The following TMC1 variants were observed in gnomAD, a reference collection of about 807,000 sequenced individuals.
TMC1 encodes transmembrane channel like 1.
In TMC1, 84 loss-of-function variants were observed where a neutral mutation model predicts 105.8. That is an observed-to-expected ratio of 0.79 (90% CI 0.67 to 0.95). The LOEUF (loss-of-function observed/expected upper bound fraction) is 0.95. TMC1 is among the 40% of genes least tolerant of loss of function. The pLI, the probability that TMC1 is intolerant of heterozygous loss-of-function variation, is 0.00. For synonymous variants in TMC1, 315 were observed against 311.5 expected (o/e 1.01, Z -0.12); for missense variants, 817 against 914.1 (o/e 0.89, Z 1.37).
intron 7 of TMC1, among the ~76,000 whole-genome samples, chr9:72,695,376 TC>T (rs1826531996): frequency 6.6e-6 from 1 of 152,178 alleles, no homozygotes; most frequent in African/African-American, 2.4e-5. Context: ...TTAGGAAAAA[TC>T]CAAGAAAATA....
intron 9 of TMC1, 111 bp downstream of exon 9, chr9:72,740,320 A>G (rs1827366999): frequency 1.1e-6 from 1 of 869,600 alleles, no homozygotes; most frequent in South Asian, 1.4e-5. Flanking sequence ...TAAAACACAA[A>G]TACTCATACA....
intron 12 of TMC1, among the ~76,000 whole-genome samples, chr9:72,771,402 CT>C (rs1266677644): frequency 6.6e-6 from 1 of 152,202 alleles, no homozygotes; most frequent in Non-Finnish European, 1.5e-5. Context: ...GACATTTCTA[CT>C]TTCTTTTCCA....
At chr9:72,802,390 T>C (rs1210823669) in intron 17 of TMC1, among the ~76,000 whole-genome samples, 1 of 152,214 alleles carries the variant, frequency 6.6e-6, no homozygotes, top group Admixed American at 6.5e-5. Flanking sequence ...TTTTTATTTA[T>C]GAGTGTACAG....
chr9:72,745,029 A>T (rs113577923), intron 10 of TMC1, among the ~76,000 whole-genome samples: 1 of 152,136 alleles, frequency 6.6e-6, no homozygotes, highest in Non-Finnish European at 1.5e-5. Flanking sequence ...GCAAATGTAG[A>T]TTATTTTTCT....
chr9:72,667,057 G>GT (rs1167531909), intron 5 of TMC1, among the ~76,000 whole-genome samples: 1 of 152,158 alleles, frequency 6.6e-6, no homozygotes, highest in Non-Finnish European at 1.5e-5. Flanking sequence ...TCCAGCCCGG[G>GT]TGACAGGGTG....
chr9:72,812,188 A>T (rs1324636658), intron 18 of TMC1, among the ~76,000 whole-genome samples: 3 of 152,226 alleles, frequency 2.0e-5, no homozygotes, highest in Admixed American at 6.5e-5. Flanking sequence ...CAAAGTGCTC[A>T]TAGGCTTAGG....
chr9:72,764,588 C>A (rs1404520540), intron 12 of TMC1, among the ~76,000 whole-genome samples: 1 of 151,994 alleles, frequency 6.6e-6, no homozygotes, highest in African/African-American at 2.4e-5. Flanking sequence ...TCATTAAATC[C>A]CAACATAAGA....
At chr9:72,661,176 A>G (rs11143367) in intron 5 of TMC1, among the ~76,000 whole-genome samples, 23,244 of 152,120 alleles carry the variant, frequency 0.15, 1,899 homozygotes, top group Non-Finnish European at 0.19. Context: ...AAAAGAATGT[A>G]AATGATTGGG....
chr9:72,809,577 T>C (rs547320731), intron 18 of TMC1, among the ~76,000 whole-genome samples: 3 of 152,346 alleles, frequency 2.0e-5, no homozygotes, highest in Admixed American at 6.5e-5. Context: ...TACAGGGATG[T>C]AGAAGATGTA....
intron 20 of TMC1, among the ~76,000 whole-genome samples, chr9:72,822,976 C>T (rs1270909761): frequency 1.3e-5 from 2 of 152,144 alleles, no homozygotes; most frequent in Non-Finnish European, 2.9e-5. Flanking sequence ...AAAATTATGG[C>T]ATGTAAATCA....
At chr9:72,755,112 G>GAA (rs1564533579) in intron 12 of TMC1, among the ~76,000 whole-genome samples, 70 of 150,816 alleles carry the variant, frequency 4.6e-4, no homozygotes, top group African/African-American at 1.7e-3. Flanking sequence ...AAGAAAGAAA[G>GAA]AGAAAGAAAG....
intron 7 of TMC1, among the ~76,000 whole-genome samples, chr9:72,694,944 T>G (rs1307487714): frequency 6.6e-6 from 1 of 152,204 alleles, no homozygotes; most frequent in African/African-American, 2.4e-5. Flanking sequence ...ATGAAGGATC[T>G]GAATTATCAT....
chr9:72,727,439 G>A (rs1204217027), intron 8 of TMC1, among the ~76,000 whole-genome samples: 1 of 151,962 alleles, frequency 6.6e-6, no homozygotes, highest in African/African-American at 2.4e-5. Flanking sequence ...TAAGTAAAAG[G>A]GACAATGAAA....
intron 5 of TMC1, chr9:72,651,517 G>A (rs544865253): frequency 2.6e-5 from 4 of 152,280 alleles, no homozygotes; most frequent in South Asian, 2.1e-4. Flanking sequence ...CAAGTGGTTG[G>A]TTGGGGCTGG....
intron 15 of TMC1, among the ~76,000 whole-genome samples, chr9:72,790,306 A>T (rs1828245866): frequency 6.6e-6 from 1 of 152,218 alleles, no homozygotes; most frequent in Non-Finnish European, 1.5e-5. Context: ...CTTACAGAAA[A>T]AGGTTCCAAA....
At chr9:72,579,262 C>G (rs1824436932) in intron 2 of TMC1, among the ~76,000 whole-genome samples, 1 of 152,196 alleles carries the variant, frequency 6.6e-6, no homozygotes, top group Non-Finnish European at 1.5e-5. Context: ...TCTCCTAACT[C>G]TGTTACTGCT....
intron 12 of TMC1, among the ~76,000 whole-genome samples, chr9:72,761,063 C>A (rs1230736037): frequency 6.6e-6 from 1 of 152,112 alleles, no homozygotes; most frequent in Non-Finnish European, 1.5e-5. Context: ...TTATTGAGTG[C>A]ATAATGATAC....
chr9:72,595,842 AT>A (rs1196455103), intron 2 of TMC1, among the ~76,000 whole-genome samples: 1 of 139,476 alleles, frequency 7.2e-6, no homozygotes, highest in East Asian at 2.1e-4. Flanking sequence ...ACGCTGGCTA[AT>A]TTTCGTATTT....
At chr9:72,527,963 T>C (rs555195453) in intron 1 of TMC1, among the ~76,000 whole-genome samples, 1 of 152,302 alleles carries the variant, frequency 6.6e-6, no homozygotes, top group East Asian at 1.9e-4. Context: ...CTTGCGATAC[T>C]TCCCCCCTCC....
Sources: allele counts gnomAD v4.1 joint callset (sites outside exome capture counted in the v4.1 genomes callset), GRCh38; gene constraint gnomAD v4.1.1; transcripts MANE v1.5; gene names NCBI Gene and HGNC (gene_info 2026-07-23, HGNC 2026-07-21).